SPIRE2: variants seen among roughly 807,000 people sequenced by gnomAD.
SPIRE2 encodes protein spire homolog 2.
In SPIRE2, 76 loss-of-function variants were observed where a neutral mutation model predicts 80.7. The ratio of observed to expected loss-of-function variants is 0.94; its 90% CI spans 0.78 to 1.14. The LOEUF (loss-of-function observed/expected upper bound fraction) is 1.14. Among genes scored for constraint, SPIRE2 ranks in the 50% most tolerant of loss-of-function variants. The probability of loss-of-function intolerance (pLI) is 0.00; values close to 1 mark genes in which losing one functional copy is unlikely to be tolerated. For synonymous variants in SPIRE2, 535 were observed against 432.6 expected (o/e 1.24, Z -2.94); for missense variants, 1,196 against 1,015.3 (o/e 1.18, Z -2.42).
At chr16:89,855,888 G>C (rs1462122664) in intron 6 of SPIRE2, 1 of 952,144 alleles carries the variant, frequency 1.1e-6, no homozygotes, top group Non-Finnish European at 1.5e-6. Context: ...CTTTTTCTGG[G>C]AAGGGGCCAT....
At chr16:89,832,808 G>C (rs150605984) in intron 1 of SPIRE2, among the ~76,000 whole-genome samples, 1 of 151,990 alleles carries the variant, frequency 6.6e-6, no homozygotes, top group Non-Finnish European at 1.5e-5. Flanking sequence ...TCTGATGAAG[G>C]GCCCTGTTTT....
intron 7 of SPIRE2, among the ~76,000 whole-genome samples, chr16:89,857,287 C>T (rs2041699874): frequency 1.3e-5 from 2 of 151,786 alleles, no homozygotes; most frequent in Admixed American, 6.6e-5. Context: ...AGGCATGCAC[C>T]ACCACGCCCG....
At chr16:89,850,113 G>A in intron 2 of SPIRE2, 191 bp from the exon 3 acceptor site, 1 of 702,752 alleles carries the variant, frequency 1.4e-6, no homozygotes, top group Non-Finnish European at 2.6e-6. Context: ...TGGGATTACA[G>A]GTGTGGGCCA....
chr16:89,856,153 G>A lies in SPIRE2; in HGVS notation c.1019G>A (p.Arg340Lys), dbSNP rs762516892. 1.9e-6 allele frequency: 3 copies of A among 1,611,630 alleles called. No individual in the cohort carries two copies. The highest frequency in any genetic ancestry group is 1.7e-5 in the Admixed American group (1 of 59,922). ...CTGCGCCCGTTGCCACCAAAGCAAA[G>A]GTCCCTGCATGAGAAGATCCTGGAG... is the stretch of plus-strand genomic sequence containing the variant. ...RRLRPLPPKQ[R>K]SLHEKILEEI... The change falls in exon 7 of 15, where the codon AGG (arginine) becomes AAG (lysine). Residue 340 changes from arginine to lysine, a missense_variant. Arg to Lys is a conservative substitution (Grantham distance 26, BLOSUM62 2). Transcript: ENST00000378247.
chr16:89,853,405 C>A (rs963904853), intron 3 of SPIRE2, among the ~76,000 whole-genome samples: 1 of 152,182 alleles, frequency 6.6e-6, no homozygotes, highest in Non-Finnish European at 1.5e-5. Flanking sequence ...AGGGTCTCTC[C>A]ATGGGGTGTA....
chr16:89,829,130 C>G (rs768353714), intron 1 of SPIRE2, among the ~76,000 whole-genome samples: 8 of 152,182 alleles, frequency 5.3e-5, no homozygotes, highest in Non-Finnish European at 1.0e-4. Context: ...TCAGGGAGCA[C>G]GGAGCTGGCC....
chr16:89,868,227 T>C lies in SPIRE2; in HGVS notation c.1806+11T>C. ...TCCTGTAGCATAAAGGTGAGGACCA[T>C]GTGGGATCTCTGGGGTCTGAGCAAG... On this transcript the variant is annotated intron_variant, in intron 13 of 14. Transcript: ENST00000378247. The C allele has an allele frequency of 3.7e-6, 6 of 1,613,974 alleles. No individual in the cohort carries two copies. Among genetic ancestry groups the C allele is most frequent in the Non-Finnish European group, 5.1e-6 (6 of 1,179,922 alleles).
chr16:89,855,222 G>A (rs559282498), intron 5 of SPIRE2, among the ~76,000 whole-genome samples: 1 of 152,290 alleles, frequency 6.6e-6, no homozygotes, highest in African/African-American at 2.4e-5. Context: ...ACAGATGTGA[G>A]CCACCTGCCT....
Position 89,870,201 on chromosome 16 carries a change from A to G in SPIRE2, c.2074A>G (p.Thr692Ala), listed in dbSNP as rs1428819112. The G allele has an allele frequency of 1.2e-5, 19 of 1,609,252 alleles. No individual in the cohort carries two copies. The highest frequency in any genetic ancestry group is 1.5e-5 in the Non-Finnish European group (18 of 1,178,092). ...SSRKSVDVLN[T>A]TPRRSRQTQS... Reference sequence around the variant, plus strand: ...CCGCAAGAGCGTGGACGTCCTCAACACTACGCCACGACGCAGTCGCCAGAC... The same window carrying G: ...CCGCAAGAGCGTGGACGTCCTCAACGCTACGCCACGACGCAGTCGCCAGAC... The change falls in exon 15 of 15, where the codon ACT becomes GCT. Residue 692 changes from threonine (T) to alanine (A), a missense_variant. Physicochemically the swap from Thr to Ala is moderately conservative, Grantham distance 58 (BLOSUM62 0). Coordinates refer to ENST00000378247, the MANE Select transcript of SPIRE2 (RefSeq NM_032451.2).
chr16:89,862,405 G>C (rs2041753135), intron 10 of SPIRE2: 1 of 152,298 alleles, frequency 6.6e-6, no homozygotes, highest in Non-Finnish European at 1.5e-5. Flanking sequence ...GGTCACATGA[G>C]TGGTTCTTTA....
intron 1 of SPIRE2, among the ~76,000 whole-genome samples, chr16:89,834,841 C>G (rs1598216420): frequency 9.9e-6 from 1 of 101,388 alleles, no homozygotes; most frequent in Admixed American, 1.1e-4. Flanking sequence ...GTAGAAGGCC[C>G]CATAAGCATA....
At chr16:89,855,783 AGCCTGGG>A in intron 6 of SPIRE2, 97 bp downstream of exon 6, 1 of 1,273,572 alleles carries the variant, frequency 7.9e-7, no homozygotes, top group Admixed American at 2.0e-5. Flanking sequence ...TCCTGTGGCC[AGCCTGGG>A]AGGTGTCCCA....
intron 13 of SPIRE2, 49 bp from the exon 14 acceptor site, chr16:89,869,518 G>C: frequency 7.6e-7 from 1 of 1,324,356 alleles, no homozygotes; most frequent in Non-Finnish European, 1.1e-6. Context: ...GAGTGTACCT[G>C]AATGTCTCTG....
At chr16:89,867,660 C>T (rs2041801966) in intron 12 of SPIRE2, among the ~76,000 whole-genome samples, 1 of 151,524 alleles carries the variant, frequency 6.6e-6, no homozygotes, top group African/African-American at 2.4e-5. Flanking sequence ...TCTCAGCTCA[C>T]TGCAACCTCC....
At position 89,860,661 on chromosome 16, in the gene SPIRE2, T is replaced by C. The variant is rs1310429756; in HGVS notation, c.1463-22T>C. 3 of 1,494,968 alleles carry C rather than the reference T, an allele frequency of 2.0e-6. No individual in the cohort carries two copies. In the African/African-American group the frequency reaches 4.1e-5, roughly 21 times the overall value. The allele number at this position is 1,494,968 out of a possible 1,614,324, so 92.6% of individuals were successfully genotyped here. A position where few individuals can be genotyped will look rare whatever the true frequency, so the allele number is the denominator to read the frequency against. ...CACAGCTCCTGCCAGGCAGTCCTGA[T>C]GGAGCCTCTGCTCTCCCCCAGGTAC... On this transcript the variant is annotated intron_variant, in intron 9 of 14. Transcript: ENST00000378247.
At chr16:89,843,473 G>A (rs956161228) in intron 1 of SPIRE2, among the ~76,000 whole-genome samples, 2 of 151,346 alleles carry the variant, frequency 1.3e-5, no homozygotes, top group African/African-American at 2.4e-5. Flanking sequence ...TCTCCAAATC[G>A]GTGGTCTCAG....
chr16:89,843,270 G>A (rs531430290), intron 1 of SPIRE2, among the ~76,000 whole-genome samples: 16 of 152,258 alleles, frequency 1.1e-4, no homozygotes, highest in South Asian at 2.1e-4. Flanking sequence ...TTCATCCTCC[G>A]GTCTCTGTTT....
Position 89,863,390 on chromosome 16 carries a change from C to T in SPIRE2, c.1576-86C>T. On this transcript the variant is annotated intron_variant, in intron 10 of 14. Transcript: ENST00000378247. The surrounding 1 kb of genome is among the most constrained non-coding windows in gnomAD (Gnocchi z 4.3). ...GTCGCAGGCTTGTTTAGGCTGAGGCCAGGGAGGGTTAGGGTCCTCAGGGAA... is the reference window on the plus strand; with the variant it reads ...GTCGCAGGCTTGTTTAGGCTGAGGCTAGGGAGGGTTAGGGTCCTCAGGGAA... The T allele has an allele frequency of 6.6e-7, 1 of 1,506,126 alleles. No homozygotes were observed. The highest frequency in any genetic ancestry group is 1.2e-5 in the South Asian group (1 of 85,244). The allele number at this position is 1,506,126 out of a possible 1,614,324, so 93.3% of individuals were successfully genotyped here. A position where few individuals can be genotyped will look rare whatever the true frequency, so the allele number is the denominator to read the frequency against.
At chr16:89,858,529 T>C (rs1345556041) in intron 8 of SPIRE2, 22 bp downstream of exon 8, 14 of 1,532,138 alleles carry the variant, frequency 9.1e-6, no homozygotes, top group African/African-American at 1.4e-5. Flanking sequence ...TGGGGATTCC[T>C]GAAAAGAGAC....
Sources: allele counts gnomAD v4.1 joint callset (sites outside exome capture counted in the v4.1 genomes callset), GRCh38; gene constraint gnomAD v4.1.1; non-coding constraint Gnocchi (gnomAD v3.1); transcripts MANE v1.5; gene names NCBI Gene and HGNC (gene_info 2026-07-23, HGNC 2026-07-21).